The following PRDM10 variants were observed in gnomAD, a reference collection of about 807,000 sequenced individuals.
The protein encoded by PRDM10 is PR/SET domain 10, also known as PR domain zinc finger protein 10.
PRDM10 carries 65 observed loss-of-function variants against 133.1 expected under a neutral mutation model. That is an observed-to-expected ratio of 0.49 (90% CI 0.40 to 0.60). PRDM10 has a LOEUF of 0.60. PRDM10 is among the 20% of genes least tolerant of loss of function. PRDM10 has a pLI of 0.00. For synonymous variants in PRDM10, 582 were observed against 580.4 expected (o/e 1.00, Z -0.04); for missense variants, 1,137 against 1,507.1 (o/e 0.75, Z 4.07).
intron 16 of PRDM10, 54 bp downstream of exon 16, chr11:129,915,606 G>A (rs1950332418): frequency 6.6e-7 from 1 of 1,510,154 alleles, no homozygotes; most frequent in South Asian, 1.3e-5. Flanking sequence ...CTTTCCTTAA[G>A]AGATTCCTCG....
rs755409477 is a variant in PRDM10 at position 129,918,527 on chromosome 11, C to T, written c.2214+12G>A. ...GGGAAGACAGAGGAACCCGCAGCCA[C>T]TGGGCACTGACCAGCATGCCGCGCC... On this transcript the variant is annotated intron_variant, in intron 14 of 20. Transcript: ENST00000360871. This position sits in a 1 kb window ranked among gnomAD's most constrained non-coding sequence, Gnocchi z 5.3. 2.5e-6 allele frequency: 4 copies of T among 1,611,318 alleles called. No homozygotes were observed. Among genetic ancestry groups the T allele is most frequent in the Non-Finnish European group, 3.4e-6 (4 of 1,178,680 alleles).
chr11:129,990,196 T>C (rs1938651126), intron 1 of PRDM10, among the ~76,000 whole-genome samples: 1 of 151,414 alleles, frequency 6.6e-6, no homozygotes, highest in South Asian at 2.1e-4. Flanking sequence ...ATCCAAAAAA[T>C]TAGCCAGGCA....
chr11:129,973,686 ACC>A (rs1337567909), intron 1 of PRDM10, among the ~76,000 whole-genome samples: 2 of 152,128 alleles, frequency 1.3e-5, no homozygotes, highest in Non-Finnish European at 2.9e-5. Context: ...CATACCAATT[ACC>A]CCTCTGTGAA....
intron 1 of PRDM10, among the ~76,000 whole-genome samples, chr11:129,977,297 C>CACACACACAT (rs1465081302): frequency 1.8e-4 from 27 of 147,654 alleles, no homozygotes; most frequent in East Asian, 1.7e-3. Context: ...CACACACACA[C>CACACACACAT]ACATTGAGAT....
chr11:129,981,249 A>T (rs1938095532), intron 1 of PRDM10, among the ~76,000 whole-genome samples: 1 of 152,124 alleles, frequency 6.6e-6, no homozygotes, highest in South Asian at 2.1e-4. Context: ...TAAGTACGCT[A>T]AAAAAACAGT....
In PRDM10 at chr11:129,931,222, C is replaced by T; in HGVS notation, c.1324G>A (p.Glu442Lys). ...CCATTCAGAGTGGCTGGTTCAGCCTCATCAAATTGCTCCTTTGTGGGAAAA... is the reference window on the plus strand; with the variant it reads ...CCATTCAGAGTGGCTGGTTCAGCCTTATCAAATTGCTCCTTTGTGGGAAAA... Reference protein sequence around the residue: ...LHFPTKEQFDEAEPATLNGLD... With the variant: ...LHFPTKEQFDKAEPATLNGLD... Residue 442 changes from glutamate (E) to lysine (K), a missense_variant, in exon 11 of 21, where the codon GAG becomes AAG. By Grantham distance (56) the Glu-to-Lys change is moderately conservative. Around this residue, in one of 6 missense-constraint regions of PRDM10, gnomAD observed 635 missense variants for 835.2 expected, o/e 0.76. Coordinates refer to ENST00000360871, the MANE Select transcript of PRDM10 (RefSeq NM_199437.2). 1 of 1,613,684 alleles carries T rather than the reference C, an allele frequency of 6.2e-7. No homozygotes were observed. The highest frequency in any genetic ancestry group is 8.5e-7 in the Non-Finnish European group (1 of 1,179,756).
intron 6 of PRDM10, among the ~76,000 whole-genome samples, chr11:129,943,522 G>A (rs1951282425): frequency 6.6e-6 from 1 of 152,160 alleles, no homozygotes; most frequent in Admixed American, 6.5e-5. Flanking sequence ...GTTAAAATGA[G>A]GTCATTAGGG....
At chr11:129,933,945 A>T (rs1950948977) in intron 9 of PRDM10, among the ~76,000 whole-genome samples, 2 of 152,048 alleles carry the variant, frequency 1.3e-5, no homozygotes, top group South Asian at 4.2e-4. Flanking sequence ...GCACTCAGCA[A>T]CCCTTCAGCC....
At chr11:129,903,155 G>A (rs755249914) in intron 20 of PRDM10, among the ~76,000 whole-genome samples, 23 of 151,908 alleles carry the variant, frequency 1.5e-4, no homozygotes, top group African/African-American at 4.8e-4. Context: ...AAAATTAGCC[G>A]GGCGTGGTGG....
intron 1 of PRDM10, among the ~76,000 whole-genome samples, chr11:129,975,419 C>T (rs895817792): frequency 6.6e-6 from 1 of 151,234 alleles, no homozygotes; most frequent in African/African-American, 2.4e-5. Flanking sequence ...GCGCGAATCT[C>T]CATCTCAAAA....
chr11:129,914,719 C>A lies in PRDM10; in HGVS notation c.2826G>T (p.Val942=). Residue 942 remains valine (V), a synonymous_variant, in exon 17 of 21, where the codon GTG becomes GTT. Transcript: ENST00000360871. ...LQQPQHIQLQ[V]VQVASATSPH... is the part of the protein sequence containing the mutation. ...CACGCAGTACCGAGGCCACTTGAAC[C>A]ACTTGCAGCTGTATGTGCTGAGGCT... 6.2e-7 allele frequency: 1 copy of A among 1,614,230 alleles called. No individual in the cohort carries two copies. The highest frequency in any genetic ancestry group is 8.5e-7 in the Non-Finnish European group (1 of 1,180,044).
intron 1 of PRDM10, among the ~76,000 whole-genome samples, chr11:129,992,525 C>G (rs139175862): frequency 6.6e-6 from 1 of 152,184 alleles, no homozygotes; most frequent in Admixed American, 6.5e-5. Flanking sequence ...GGCCAGGACC[C>G]GAGCATGGTT....
At chr11:129,932,890 C>G (rs1171982142) in intron 9 of PRDM10, among the ~76,000 whole-genome samples, 1 of 152,172 alleles carries the variant, frequency 6.6e-6, no homozygotes, top group African/African-American at 2.4e-5. Flanking sequence ...CTCAGCGTCC[C>G]AAGTAGCTGG....
In PRDM10 at chr11:129,953,953, C is replaced by T. The variant is rs181238477; in HGVS notation, c.294+1559G>A. 4.6e-3 allele frequency among the ~76,000 whole-genome samples: 674 copies of T among 147,024 alleles called. 4 individuals carry two copies. The highest frequency in any genetic ancestry group is 0.015 in the African/African-American group (598 of 40,526). On this transcript the variant is annotated intron_variant, in intron 4 of 20. Transcript: ENST00000360871. ...TAATCCATTGCTTGCTTGATGGAAT[C>T]AATAAGTATTTACAGAAATGAGGTT... is the stretch of plus-strand genomic sequence containing the variant.
At chr11:129,924,671 C>T (rs896381453) in intron 12 of PRDM10, among the ~76,000 whole-genome samples, 1 of 152,148 alleles carries the variant, frequency 6.6e-6, no homozygotes, top group African/African-American at 2.4e-5. Context: ...AACTTAAACA[C>T]TTCAATGTCA....
At chr11:129,933,219 A>AT (rs1950925906) in intron 9 of PRDM10, among the ~76,000 whole-genome samples, 1 of 152,140 alleles carries the variant, frequency 6.6e-6, no homozygotes. Context: ...AATACTATAT[A>AT]TTTTTTCCAG....
At chr11:129,986,224 AG>A (rs752028840) in intron 1 of PRDM10, among the ~76,000 whole-genome samples, 118 of 152,164 alleles carry the variant, frequency 7.8e-4, no homozygotes, top group Non-Finnish European at 8.1e-4. Context: ...CTTGTGGCTT[AG>A]GATGGCAACA....
intron 1 of PRDM10, among the ~76,000 whole-genome samples, chr11:129,983,317 C>T (rs550441325): frequency 2.6e-4 from 37 of 141,134 alleles, no homozygotes; most frequent in African/African-American, 3.2e-4. Context: ...TTTTTTTAGA[C>T]GGAGTCTCGC....
chr11:129,931,637 G>T (rs370497393), intron 10 of PRDM10, among the ~76,000 whole-genome samples: 1 of 149,556 alleles, frequency 6.7e-6, no homozygotes, highest in East Asian at 2.0e-4. Flanking sequence ...GCGCGATCTC[G>T]ACTCACTGCA....
Sources: gnomAD v4.1 joint callset for allele counts (sites outside exome capture counted in the v4.1 genomes callset) on GRCh38, gnomAD v4.1.1 for gene constraint, gnomAD v4.1.1 regional missense constraint, Gnocchi (gnomAD v3.1) non-coding constraint, MANE v1.5 for transcripts, NCBI Gene and HGNC (gene_info 2026-07-23, HGNC 2026-07-21) for gene names.